Variants in DARS1 observed in about 807,000 individuals in gnomAD.
DARS1 encodes the protein aspartyl-tRNA synthetase 1.
Under a neutral mutation model 68.8 loss-of-function variants are expected in DARS1, and 51 were observed. The observed-to-expected ratio is 0.74, with a 90% confidence interval of 0.59 to 0.94. The LOEUF is 0.94. Among genes scored for constraint, DARS1 ranks in the 40% least tolerant of loss-of-function variants. The probability of loss-of-function intolerance (pLI) is 0.00; values close to 1 mark genes in which losing one functional copy is unlikely to be tolerated. For missense variants in DARS1, 607 were observed against 597.3 expected (o/e 1.02, Z -0.17); for synonymous variants, 203 against 190.4 (o/e 1.07, Z -0.55).
intron 4 of DARS1, among the ~76,000 whole-genome samples, chr2:135,947,251 C>G (rs1218191880): frequency 6.6e-6 from 1 of 151,596 alleles, no homozygotes; most frequent in African/African-American, 2.4e-5. Context: ...ACTAAAAATA[C>G]AAAAAAATTA....
chr2:135,908,349 C>A (rs1055026519), intron 15 of DARS1, among the ~76,000 whole-genome samples: 3 of 152,078 alleles, frequency 2.0e-5, no homozygotes, highest in Non-Finnish European at 2.9e-5. Context: ...TTTAGTAGTG[C>A]CAAATACACT....
At chr2:135,950,709 G>A (rs1404867795) in intron 4 of DARS1, among the ~76,000 whole-genome samples, 2 of 152,102 alleles carry the variant, frequency 1.3e-5, no homozygotes, top group Admixed American at 6.6e-5. Context: ...GTGAAACAAC[G>A]AAAACACAGG....
chr2:135,951,748 A>G (rs1302849455), intron 4 of DARS1, among the ~76,000 whole-genome samples: 1 of 152,142 alleles, frequency 6.6e-6, no homozygotes, highest in African/African-American at 2.4e-5. Flanking sequence ...ATACCCATCC[A>G]CATCTGGTGT....
At chr2:135,971,654 C>A (rs556595302) in intron 3 of DARS1, among the ~76,000 whole-genome samples, 2 of 152,190 alleles carry the variant, frequency 1.3e-5, no homozygotes, top group Non-Finnish European at 2.9e-5. Flanking sequence ...TAAAATTATC[C>A]TTTTTTGTGG....
chr2:135,925,974 TC>T (rs1471507825), intron 7 of DARS1, among the ~76,000 whole-genome samples: 1 of 152,306 alleles, frequency 6.6e-6, no homozygotes, highest in East Asian at 1.9e-4. Context: ...CACTGCAACC[TC>T]CACCTCCTGG....
At chr2:135,978,199 T>C (rs1176350391) in intron 3 of DARS1, among the ~76,000 whole-genome samples, 1 of 142,920 alleles carries the variant, frequency 7.0e-6, no homozygotes, top group Non-Finnish European at 1.5e-5. Flanking sequence ...ATGCTATATA[T>C]CATGGGACAT....
At chr2:135,920,411 A>C in intron 10 of DARS1, 42 bp downstream of exon 10, 3 of 1,553,944 alleles carry the variant, frequency 1.9e-6, no homozygotes, top group Non-Finnish European at 2.6e-6. Flanking sequence ...GGGCCCAAAC[A>C]TTTGAAATTA....
Position 135,907,273 on chromosome 2 carries a change from T to A in DARS1, c.*43A>T. ...TTTTTTTTTTTTTTGAGGCAGGGTC[T>A]CGCTCTGTCATCCACACTGGAGTTA... On this transcript the variant is annotated 3_prime_UTR_variant, in exon 16 of 16. Transcript: ENST00000264161. The A allele has an allele frequency of 1.1e-5, 11 of 985,254 alleles. No homozygotes were observed. Among genetic ancestry groups the A allele is most frequent in the Non-Finnish European group, 1.4e-5 (9 of 661,098 alleles). 61.0% of individuals were successfully genotyped at this position (985,254 alleles called of 1,614,324 possible). A position where few individuals can be genotyped will look rare whatever the true frequency, so the allele number is the denominator to read the frequency against.
At position 135,907,261 on chromosome 2, in the gene DARS1, T is replaced by TTTTTTTTTTTTGGGG; in HGVS notation, c.*54_*55insCCCCAAAAAAAAAAA. 1 of 889,240 alleles carries TTTTTTTTTTTTGGGG rather than the reference T, an allele frequency of 1.1e-6. No individual in the cohort carries two copies. Among genetic ancestry groups the TTTTTTTTTTTTGGGG allele is most frequent in the Non-Finnish European group, 1.7e-6 (1 of 601,878 alleles). The allele number at this position is 889,240 out of a possible 1,614,324, so 55.1% of individuals were successfully genotyped here. ...GGCTTTCTTTTTTTTTTTTTTTTTTTGAGGCAGGGTCTCGCTCTGTCATCC... is the reference window on the plus strand; with the variant it reads ...GGCTTTCTTTTTTTTTTTTTTTTTTTTTTTTTTTTTTGGGGGAGGCAGGGTCTCGCTCTGTCATCC... On this transcript the variant is annotated 3_prime_UTR_variant, in exon 16 of 16. Transcript: ENST00000264161.
At chr2:135,932,056 G>C (rs1412758856) in intron 7 of DARS1, among the ~76,000 whole-genome samples, 1 of 152,094 alleles carries the variant, frequency 6.6e-6, no homozygotes, top group African/African-American at 2.4e-5. Flanking sequence ...AATTAAAATG[G>C]AAAAGGTAGA....
intron 7 of DARS1, among the ~76,000 whole-genome samples, chr2:135,930,973 T>C (rs1681329234): frequency 6.6e-6 from 1 of 152,208 alleles, no homozygotes; most frequent in African/African-American, 2.4e-5. Context: ...TTCACTTTTC[T>C]AGGAATGAAA....
chr2:135,979,676 G>T (rs1682579045), intron 2 of DARS1, among the ~76,000 whole-genome samples: 1 of 152,098 alleles, frequency 6.6e-6, no homozygotes, highest in Non-Finnish European at 1.5e-5. Context: ...CAATCCCTGT[G>T]TCCCCTTCTA....
rs1299861134 is a variant in DARS1 at position 135,985,390 on chromosome 2, G to A, written c.66+13C>T. On this transcript the variant is annotated intron_variant, in intron 1 of 15. Coordinates refer to ENST00000264161, the MANE Select transcript of DARS1 (RefSeq NM_001349.4). ...GGTCTGTCCTCCCAGGCCCAGGAAA[G>A]GAGGAAACCCACTTCCGCCGCGTCC... 1 of 1,613,292 alleles carries A rather than the reference G, an allele frequency of 6.2e-7. No individual in the cohort carries two copies.
intron 10 of DARS1, 48 bp from the exon 11 acceptor site, chr2:135,916,420 C>G (rs772411167): frequency 8.5e-7 from 1 of 1,173,934 alleles, no homozygotes; most frequent in Non-Finnish European, 1.3e-6. Flanking sequence ...ATAAATGTTT[C>G]CCCCACAAGA....
At chr2:135,982,753 C>T (rs531556860) in intron 2 of DARS1, among the ~76,000 whole-genome samples, 4 of 152,122 alleles carry the variant, frequency 2.6e-5, no homozygotes, top group Non-Finnish European at 5.9e-5. Context: ...GGCTTTAAAA[C>T]TCAAATCATA....
At chr2:135,970,258 A>G (rs976607048) in intron 3 of DARS1, among the ~76,000 whole-genome samples, 13 of 147,928 alleles carry the variant, frequency 8.8e-5, no homozygotes, top group Non-Finnish European at 1.6e-4. Flanking sequence ...GTCTCAAAAA[A>G]AAAAAAAAAA....
At position 135,906,374 on chromosome 2, in the gene DARS1, C is replaced by T. The variant is rs145109049; in HGVS notation, c.*942G>A. Among the ~76,000 whole-genome samples the T allele has an allele frequency of 1.5e-3, 231 of 152,154 alleles. 1 individual carries two copies. The highest frequency in any genetic ancestry group is 5.4e-3 in the African/African-American group (223 of 41,522). On this transcript the variant is annotated 3_prime_UTR_variant, in exon 16 of 16. Coordinates refer to ENST00000264161, the MANE Select transcript of DARS1 (RefSeq NM_001349.4). ...TTCTTACACAAAAATTTCTTTTTGA[C>T]GGATAAGATGGGACTGGATTTTACT...
At chr2:135,930,902 C>T (rs1003481544) in intron 7 of DARS1, among the ~76,000 whole-genome samples, 3 of 152,126 alleles carry the variant, frequency 2.0e-5, no homozygotes, top group African/African-American at 7.2e-5. Flanking sequence ...ATTTGCCGTG[C>T]CAATCTGGAA....
At chr2:135,978,142 C>CAAAAAAAAAA (rs59505882) in intron 3 of DARS1, among the ~76,000 whole-genome samples, 21 of 54,712 alleles carry the variant, frequency 3.8e-4, no homozygotes, top group Non-Finnish European at 4.6e-4. Context: ...GACTCTGTCT[C>CAAAAAAAAAA]AAAAAAAAAA....
Sources: gnomAD v4.1 joint callset for allele counts (sites outside exome capture counted in the v4.1 genomes callset) on GRCh38, gnomAD v4.1.1 for gene constraint, MANE v1.5 for transcripts, NCBI Gene and HGNC (gene_info 2026-07-23, HGNC 2026-07-21) for gene names.